Variants in RHBDF1 observed in about 807,000 individuals in gnomAD.
RHBDF1 encodes the protein inactive rhomboid protein 1.
Under a neutral mutation model 98.6 loss-of-function variants are expected in RHBDF1, and 80 were observed. The observed-to-expected ratio is 0.81, with a 90% CI of 0.68 to 0.98. The LOEUF is 0.98. Ranked by LOEUF, RHBDF1 falls within the 50% of genes least tolerant of loss-of-function variation. The probability of loss-of-function intolerance (pLI) is 0.00; values close to 1 mark genes in which losing one functional copy is unlikely to be tolerated. For missense variants in RHBDF1, 1,116 were observed against 1,198.3 expected (o/e 0.93, Z 1.01); for synonymous variants, 512 against 486.8 (o/e 1.05, Z -0.68).
Position 62,845 on chromosome 16 carries a change from G to A in RHBDF1, c.725C>T (p.Thr242Ile). 1 of 1,614,014 alleles carries A rather than the reference G, an allele frequency of 6.2e-7. No individual in the cohort carries two copies. The highest frequency in any genetic ancestry group is 8.5e-7 in the Non-Finnish European group (1 of 1,180,008). Residue 242 changes from threonine to isoleucine, a missense_variant, in exon 6 of 18, where the codon ACT becomes ATT. By Grantham distance (89) the Thr-to-Ile change is moderately conservative (BLOSUM62 -1). Coordinates refer to ENST00000262316, the MANE Select transcript of RHBDF1 (RefSeq NM_022450.5). ...TFRRAQRRSFTPASFLEEDTT... is the reference protein window; with the variant it reads ...TFRRAQRRSFIPASFLEEDTT... Reference sequence around the variant, plus strand: ...GTCCTCCTCCAGAAAGCTAGCTGGAGTGAAGCTTCGACGCTGTGCCCGGCG... The same window carrying A: ...GTCCTCCTCCAGAAAGCTAGCTGGAATGAAGCTTCGACGCTGTGCCCGGCG...
rs769089552 is a variant in RHBDF1 at position 59,325 on chromosome 16, C to G, written c.1918G>C (p.Gly640Arg). Residue 640 changes from glycine to arginine, a missense_variant, in exon 16 of 18, where the codon GGG becomes CGG. Physicochemically the swap from Gly to Arg is moderately radical, Grantham distance 125. Transcript: ENST00000262316. ...SQVHCMDDVCGLLPFLNPEVP... is the reference protein window; with the variant it reads ...SQVHCMDDVCRLLPFLNPEVP... ...TCGGGGTTGAGAAAAGGCAGGAGCC[C>G]ACACACATCATCCATGCAGTGCACC... The G allele has an allele frequency of 1.2e-6, 2 of 1,612,266 alleles. No homozygotes were observed. Among genetic ancestry groups the G allele is most frequent in the Non-Finnish European group, 1.7e-6 (2 of 1,178,974 alleles).
chr16:61,657 G>A lies in RHBDF1; in HGVS notation c.1248C>T (p.Leu416=), dbSNP rs144976546. 4.9e-4 allele frequency: 785 copies of A among 1,613,472 alleles called. 1 individual carries two copies. The highest frequency in any genetic ancestry group is 8.7e-4 in the Admixed American group (52 of 60,022). The change falls in exon 9 of 18, where the codon CTC becomes CTT. Residue 416 remains leucine (L), a synonymous_variant. Transcript: ENST00000262316. ...AGATGCACACGGCTAGGATGGTGAC[G>A]AGCGAGTGCACGAAGGTAAGCCAGT... The part of the protein sequence containing the change: ...FTYWLTFVHS[L]VTILAVCIYG...
At position 61,292 on chromosome 16, in the gene RHBDF1, G is replaced by A. The variant is rs1353750720; in HGVS notation, c.1396-11C>T. 2.6e-6 allele frequency: 4 copies of A among 1,542,604 alleles called. No individual in the cohort carries two copies. The highest frequency in any genetic ancestry group is 3.5e-6 in the Non-Finnish European group (4 of 1,143,498). On this transcript the variant is annotated splice_polypyrimidine_tract_variant and intron_variant, in intron 10 of 17. Coordinates refer to ENST00000262316, the MANE Select transcript of RHBDF1 (RefSeq NM_022450.5). ...GTGGATGAGGGCCTCCTGCGGGCGA[G>A]GGAGACGAGCGGCCGCAGTCCGGGG... is the stretch of plus-strand genomic sequence containing the variant.
chr16:76,085 C>T (rs1898082474), upstream of RHBDF1, among the ~76,000 whole-genome samples: 1 of 152,192 alleles, frequency 6.6e-6, no homozygotes, highest in Non-Finnish European at 1.5e-5. Context: ...GGTCGGGGGT[C>T]AGGGCTGCTC....
Position 61,519 on chromosome 16 carries a change from G to A in RHBDF1, c.1321-60C>T, listed in dbSNP as rs1046546920. ...GACTCTGGCCCTCTCCTCCCAGAGC[G>A]GGTCGGGAGGGGGTCCAGTGCCCGG... On this transcript the variant is annotated intron_variant, in intron 9 of 17. Coordinates refer to ENST00000262316, the MANE Select transcript of RHBDF1 (RefSeq NM_022450.5). The A allele has an allele frequency of 4.3e-6, 7 of 1,611,408 alleles. No homozygotes were observed. The Admixed American group carries it at 5.0e-5, about 12-fold the overall frequency.
At chr16:68,666 G>A (rs1382013423) in intron 1 of RHBDF1, among the ~76,000 whole-genome samples, 1 of 151,988 alleles carries the variant, frequency 6.6e-6, no homozygotes, top group African/African-American at 2.4e-5. Flanking sequence ...AGCTGGGGGG[G>A]CTGCGGGCAG....
chr16:64,319 C>T, intron 3 of RHBDF1: 1 of 1,345,416 alleles, frequency 7.4e-7, no homozygotes, highest in South Asian at 1.2e-5. Context: ...ACACTCATGA[C>T]CTGTATGAGA....
chr16:59,489 TCA>T lies in RHBDF1; in HGVS notation c.1821_1822del (p.Cys607Ter). ...GTCACAGTACTCCCGGGAGGTGATC[TCA>T]CACCTAGAAAGGCAGGCCAGGGTTC... On this transcript the variant is annotated stop_gained and frameshift_variant, in exon 15 of 18. Transcript: ENST00000262316. LOFTEE classifies it high-confidence loss of function. 1 of 1,613,156 alleles carries T rather than the reference TCA, an allele frequency of 6.2e-7. No homozygotes were observed. Among genetic ancestry groups the T allele is most frequent in the Non-Finnish European group, 8.5e-7 (1 of 1,179,824 alleles).
intron 14 of RHBDF1, 32 bp downstream of exon 14, chr16:59,700 G>T (rs769506133): frequency 6.2e-7 from 1 of 1,609,924 alleles, no homozygotes; most frequent in South Asian, 1.1e-5. Context: ...TGAGCCCAGA[G>T]ACCAGCTGCA....
chr16:61,314 G>A (rs957954858), intron 10 of RHBDF1, 33 bp from the exon 11 acceptor site: 1 of 1,542,396 alleles, frequency 6.5e-7, no homozygotes, highest in African/African-American at 1.4e-5. Context: ...GCCGCAGTCC[G>A]GGGCCTCCTG....
Position 63,120 on chromosome 16 carries a change from C to CA in RHBDF1, c.524dup (p.Ser176GlufsTer54). ...GCGTGACGGGAGTGTGTGGGGCACT[C>CA]AGGCCTTCCGCAGTGTCATCTGCCA... On this transcript the variant is annotated frameshift_variant, in exon 5 of 18. Transcript: ENST00000262316. LOFTEE classifies it high-confidence loss of function. 6.2e-7 allele frequency: 1 copy of CA among 1,603,268 alleles called. No individual in the cohort carries two copies. The highest frequency in any genetic ancestry group is 8.5e-7 in the Non-Finnish European group (1 of 1,175,808).
intron 1 of RHBDF1, among the ~76,000 whole-genome samples, chr16:69,685 T>C (rs1897920858): frequency 6.6e-6 from 1 of 152,180 alleles, no homozygotes; most frequent in African/African-American, 2.4e-5. Context: ...ATTAATGGCA[T>C]CATGCTGAGA....
chr16:58,466 G>A lies in RHBDF1; in HGVS notation c.2442C>T (p.Leu814=), dbSNP rs1160934001. Residue 814 remains leucine, a synonymous_variant, in exon 18 of 18, where the codon CTC becomes CTT. Transcript: ENST00000262316. The part of the protein sequence containing the change: ...IIIFQVVFLG[L]LAGLVVLFYV... ...AGAAGAGGACCACCAGGCCAGCCAG[G>A]AGGCCCAGGAAGACCACCTGAAAGA... 2 of 1,614,116 alleles carry A rather than the reference G, an allele frequency of 1.2e-6. No homozygotes were observed. Among genetic ancestry groups the A allele is most frequent in the East Asian group, 2.2e-5 (1 of 44,890 alleles).
intron 12 of RHBDF1, 66 bp downstream of exon 12, chr16:60,373 T>G: frequency 1.3e-6 from 2 of 1,598,194 alleles, no homozygotes; most frequent in South Asian, 2.2e-5. Flanking sequence ...CCCTACACCC[T>G]CTGCACCACA....
chr16:60,275 A>C lies in RHBDF1; in HGVS notation c.1663T>G (p.Cys555Gly), dbSNP rs1280727799. The change falls in exon 13 of 18, where the codon TGT (cysteine) becomes GGT (glycine). Residue 555 changes from cysteine to glycine, a missense_variant. Coordinates refer to ENST00000262316, the MANE Select transcript of RHBDF1 (RefSeq NM_022450.5). Reference sequence around the variant, plus strand: ...GGGTCTTCGGAGGAGGGCTCATCACACACCCTGCATGAGCCAAGTATGTGG... The same window carrying C: ...GGGTCTTCGGAGGAGGGCTCATCACCCACCCTGCATGAGCCAAGTATGTGG... ...GSVCHQDPRV[C>G]DEPSSEDPHE... The C allele has an allele frequency of 6.2e-7, 1 of 1,613,952 alleles. No individual in the cohort carries two copies.
chr16:63,217 A>T, intron 4 of RHBDF1, 35 bp from the exon 5 acceptor site: 1 of 1,507,552 alleles, frequency 6.6e-7, no homozygotes, highest in Non-Finnish European at 8.9e-7. Flanking sequence ...AGTCAGGACC[A>T]TGGGGGCTCC....
In RHBDF1 at chr16:61,913, C is replaced by G; in HGVS notation, c.1093G>C (p.Ala365Pro). 6 of 1,603,618 alleles carry G rather than the reference C, an allele frequency of 3.7e-6. No individual in the cohort carries two copies. Among genetic ancestry groups the G allele is most frequent in the Non-Finnish European group, 5.1e-6 (6 of 1,179,600 alleles). Reference protein sequence around the residue: ...RIAVPVRKLFAREKRPYGLGM... With the variant: ...RIAVPVRKLFPREKRPYGLGM... ...AGCCCATACGGCCGCTTCTCCCGGG[C>G]GAAGAGCTTGCGCACCGGCACCGCG... is the stretch of plus-strand genomic sequence containing the variant. The change falls in exon 8 of 18, where the codon GCC becomes CCC. Residue 365 changes from alanine (A) to proline (P), a missense_variant. Ala to Pro is a conservative substitution (Grantham distance 27). Transcript: ENST00000262316.
In RHBDF1 at chr16:59,843, G is replaced by A. The variant is rs1897541128; in HGVS notation, c.1723-17C>T. On this transcript the variant is annotated splice_polypyrimidine_tract_variant and intron_variant, in intron 13 of 17. Transcript: ENST00000262316. ...GGTGCAGATCTGGGTCACAAATGAG[G>A]ACGAGCTGAGTCAGGGCCTCCCCCA... 1 of 1,614,006 alleles carries A rather than the reference G, an allele frequency of 6.2e-7. No homozygotes were observed. Among genetic ancestry groups the A allele is most frequent in the Middle Eastern group, 1.6e-4 (1 of 6,062 alleles).
At chr16:67,097 C>CACCCTGCT (rs1334297592) in intron 1 of RHBDF1, among the ~76,000 whole-genome samples, 1 of 152,230 alleles carries the variant, frequency 6.6e-6, no homozygotes, top group African/African-American at 2.4e-5. Flanking sequence ...GCAGTACCAT[C>CACCCTGCT]ACCCTGCTGG....
Sources: allele counts gnomAD v4.1 joint callset (sites outside exome capture counted in the v4.1 genomes callset), GRCh38; gene constraint gnomAD v4.1.1; transcripts MANE v1.5; gene names NCBI Gene and HGNC (gene_info 2026-07-23, HGNC 2026-07-21).